The following PRIM2 variants were observed in gnomAD, a reference collection of about 807,000 sequenced individuals.
The protein encoded by PRIM2 is DNA primase large subunit.
In PRIM2, 39 loss-of-function variants were observed where a neutral mutation model predicts 67.3. The observed-to-expected ratio is 0.58, with a 90% CI of 0.45 to 0.76. The LOEUF is 0.76. Among genes scored for constraint, PRIM2 ranks in the 30% least tolerant of loss-of-function variants. PRIM2 has a pLI of 0.00. For synonymous variants in PRIM2, 143 were observed against 198.7 expected (o/e 0.72, Z 2.36); for missense variants, 398 against 598.7 (o/e 0.66, Z 3.50).
chr6:57,640,052 T>G (rs1252833561), intron 13 of PRIM2, among the ~76,000 whole-genome samples: 1 of 152,192 alleles, frequency 6.6e-6, no homozygotes, highest in Non-Finnish European at 1.5e-5. Context: ...CAAGTCAGCT[T>G]CATCCCTGGG....
At chr6:57,287,922 T>C in the PRIM2 span, among the ~76,000 whole-genome samples, 1 of 151,392 alleles carries the variant, frequency 6.6e-6, no homozygotes, top group Non-Finnish European at 1.5e-5. Flanking sequence ...TTGGGACTGG[T>C]TGGATGGTGG....
chr6:57,469,772 AT>A (rs1773292668), intron 7 of PRIM2, among the ~76,000 whole-genome samples: 2 of 152,282 alleles, frequency 1.3e-5, no homozygotes, highest in South Asian at 4.1e-4. Flanking sequence ...TTGCATTTAT[AT>A]TTTAATTTCT....
At chr6:57,363,021 A>C (rs1769248229) in intron 5 of PRIM2, among the ~76,000 whole-genome samples, 2 of 152,206 alleles carry the variant, frequency 1.3e-5, no homozygotes. Flanking sequence ...ATCATTCATT[A>C]AATATTTACT....
chr6:57,296,438 C>A, the PRIM2 span, among the ~76,000 whole-genome samples: 1 of 151,192 alleles, frequency 6.6e-6, no homozygotes, highest in African/African-American at 2.4e-5. Flanking sequence ...GAAAAAAAGT[C>A]AAAAATGAAT....
intron 8 of PRIM2, among the ~76,000 whole-genome samples, chr6:57,524,341 A>C (rs1217226374): frequency 6.6e-6 from 1 of 152,224 alleles, no homozygotes; most frequent in Non-Finnish European, 1.5e-5. Flanking sequence ...GAGACGGAAA[A>C]GTTCCTCAGG....
chr6:57,454,240 A>C (rs1394558440), intron 7 of PRIM2, among the ~76,000 whole-genome samples: 35 of 152,232 alleles, frequency 2.3e-4, no homozygotes, highest in African/African-American at 8.4e-4. Flanking sequence ...ATATCGGTCT[A>C]AAATTCTCTT....
At chr6:57,620,822 T>C (rs1219823093) in intron 12 of PRIM2, among the ~76,000 whole-genome samples, 1 of 152,278 alleles carries the variant, frequency 6.6e-6, no homozygotes, top group African/African-American at 2.4e-5. Context: ...AACAATCTGC[T>C]GCCTTCAGGA....
chr6:57,434,203 G>A lies in PRIM2; in HGVS notation c.693+52035G>A, dbSNP rs1771934958. 2.0e-5 allele frequency among the ~76,000 whole-genome samples: 3 copies of A among 150,816 alleles called. 1 individual carries two copies. The South Asian group carries it at 6.4e-4, about 32-fold the overall frequency. On this transcript the variant is annotated intron_variant, in intron 7 of 13. Coordinates refer to ENST00000615550, the MANE Select transcript of PRIM2 (RefSeq NM_000947.5). ...GCCTCCTAAAGTGTTGGGATTACAA[G>A]TGTGAGCCACCATGCGCAGACTTCC...
At chr6:57,283,965 T>C in the PRIM2 span, among the ~76,000 whole-genome samples, 1 of 152,150 alleles carries the variant, frequency 6.6e-6, no homozygotes, top group African/African-American at 2.4e-5. Context: ...TTGCATGACA[T>C]GGTTCTAGCT....
At chr6:57,580,694 C>A (rs1312979390) in intron 10 of PRIM2, among the ~76,000 whole-genome samples, 72 of 152,252 alleles carry the variant, frequency 4.7e-4, no homozygotes, top group African/African-American at 1.7e-3. Context: ...TCAAAGAATT[C>A]TTTCAAGGTT....
the PRIM2 span, among the ~76,000 whole-genome samples, chr6:57,233,643 C>A: frequency 7.1e-6 from 1 of 141,352 alleles, no homozygotes; most frequent in Non-Finnish European, 1.5e-5. Flanking sequence ...CCCTCCCTCC[C>A]TTCCTTCCTC....
At chr6:57,425,483 G>A (rs35305843) in intron 7 of PRIM2, among the ~76,000 whole-genome samples, 43 of 152,192 alleles carry the variant, frequency 2.8e-4, no homozygotes, top group African/African-American at 5.1e-4. Flanking sequence ...CTAAAGTGCT[G>A]GGATTACAGG....
intron 10 of PRIM2, among the ~76,000 whole-genome samples, chr6:57,569,754 C>CTT (rs1405876499): frequency 6.8e-6 from 1 of 146,160 alleles, no homozygotes; most frequent in African/African-American, 2.5e-5. Flanking sequence ...CTTTTCTTTT[C>CTT]TTTTTTTTTT....
At chr6:57,524,421 G>C (rs1299264242) in intron 8 of PRIM2, among the ~76,000 whole-genome samples, 1 of 152,114 alleles carries the variant, frequency 6.6e-6, no homozygotes, top group South Asian at 2.1e-4. Context: ...GATGCTTTTG[G>C]CTGGGCACGG....
At chr6:57,261,061 A>G in the PRIM2 span, among the ~76,000 whole-genome samples, 1 of 152,172 alleles carries the variant, frequency 6.6e-6, no homozygotes, top group Non-Finnish European at 1.5e-5. Flanking sequence ...TATGCAAGCC[A>G]TGTGTATTTT....
chr6:57,558,684 A>AAT (rs1775567403), intron 10 of PRIM2, among the ~76,000 whole-genome samples: 1 of 152,066 alleles, frequency 6.6e-6, no homozygotes, highest in African/African-American at 2.4e-5. Flanking sequence ...GAAGTTAGAA[A>AAT]ATATATATGG....
chr6:57,410,025 G>A (rs1299967809), intron 7 of PRIM2, among the ~76,000 whole-genome samples: 1 of 151,636 alleles, frequency 6.6e-6, no homozygotes, highest in African/African-American at 2.4e-5. Flanking sequence ...GGCACTATTA[G>A]TAGAAAAGAC....
intron 5 of PRIM2, among the ~76,000 whole-genome samples, chr6:57,353,559 C>T (rs9396280): frequency 6.6e-6 from 1 of 152,108 alleles, no homozygotes. Context: ...CAGGTGTGTG[C>T]ACATGCACAC....
In PRIM2 at chr6:57,578,815, T is replaced by C. The variant is rs1253941193; in HGVS notation, c.1021-22278T>C. Among the ~76,000 whole-genome samples the C allele has an allele frequency of 4.6e-5, 7 of 151,566 alleles. No individual in the cohort carries two copies. The South Asian group carries it at 1.5e-3, about 32-fold the overall frequency. On this transcript the variant is annotated intron_variant, in intron 10 of 13. Coordinates refer to ENST00000615550, the MANE Select transcript of PRIM2 (RefSeq NM_000947.5). ...CCTCAGCCTCCCGAGTAGCTGGGACTACAGGCGCCCGCTACCACGCCCGGC... is the reference window on the plus strand; with the variant it reads ...CCTCAGCCTCCCGAGTAGCTGGGACCACAGGCGCCCGCTACCACGCCCGGC...
Sources: gnomAD v4.1 joint callset for allele counts (sites outside exome capture counted in the v4.1 genomes callset) on GRCh38, gnomAD v4.1.1 for gene constraint, MANE v1.5 for transcripts, NCBI Gene and HGNC (gene_info 2026-07-23, HGNC 2026-07-21) for gene names.